The following SLC25A21 variants were observed in gnomAD, a reference collection of about 807,000 sequenced individuals.
SLC25A21 encodes the protein mitochondrial 2-oxodicarboxylate carrier.
SLC25A21 carries 47 observed loss-of-function variants against 43.8 expected under a neutral mutation model. The observed-to-expected ratio is 1.07, with a 90% CI of 0.85 to 1.37. The LOEUF (loss-of-function observed/expected upper bound fraction) is 1.37. Ranked by LOEUF, SLC25A21 falls within the 40% of genes most tolerant of loss-of-function variation. The pLI, the probability that SLC25A21 is intolerant of heterozygous loss-of-function variation, is 0.00. For missense variants in SLC25A21, 352 were observed against 350.2 expected, an observed-to-expected ratio of 1.00 and a Z score of -0.04; for synonymous variants, 131 against 121.3, an observed-to-expected ratio of 1.08 and a Z score of -0.52.
rs186474881 is a variant in SLC25A21, at chr14:37,001,579, C to G, written c.71-126575G>C. 3.1e-3 allele frequency among the ~76,000 whole-genome samples: 472 copies of G among 152,096 alleles called. 1 individual carries two copies. The highest frequency in any genetic ancestry group is 0.01 in the African/African-American group (423 of 41,494). ...AGAAATGTATTTTCTTTCACGCAACCTTTCATTTTTTTCTTCCTTCTTTCC... is the reference window on the plus strand; with the variant it reads ...AGAAATGTATTTTCTTTCACGCAACGTTTCATTTTTTTCTTCCTTCTTTCC... On this transcript the variant is annotated intron_variant, in intron 1 of 9. Transcript: ENST00000331299.
intron 1 of SLC25A21, among the ~76,000 whole-genome samples, chr14:36,958,674 C>CA: frequency 9.1e-6 from 1 of 109,522 alleles, no homozygotes; most frequent in Admixed American, 8.8e-5. Flanking sequence ...CACATAAGCA[C>CA]ACGTGCACAC....
At chr14:36,683,908 TC>T (rs1882408453) in intron 8 of SLC25A21, 28 bp from the exon 9 acceptor site, 1 of 1,565,028 alleles carries the variant, frequency 6.4e-7, no homozygotes, top group Non-Finnish European at 8.7e-7. Context: ...AGAGAAACGT[TC>T]TTATTCTGAA....
chr14:36,904,350 T>C (rs892215039), intron 1 of SLC25A21, among the ~76,000 whole-genome samples: 1 of 152,134 alleles, frequency 6.6e-6, no homozygotes, highest in African/African-American at 2.4e-5. Flanking sequence ...GGTAAGAAAA[T>C]TATAAAATAC....
At chr14:37,046,586 T>C (rs1475993373) in intron 1 of SLC25A21, among the ~76,000 whole-genome samples, 2 of 152,374 alleles carry the variant, frequency 1.3e-5, no homozygotes, top group East Asian at 3.9e-4. Flanking sequence ...TTTCTGTTAC[T>C]GATACTTTGC....
intron 1 of SLC25A21, among the ~76,000 whole-genome samples, chr14:37,008,207 A>G (rs950320947): frequency 1.2e-4 from 18 of 152,134 alleles, no homozygotes; most frequent in African/African-American, 4.3e-4. Context: ...ACTGCCTAAA[A>G]CTCATGGTTG....
In SLC25A21 at chr14:36,868,043, C is replaced by T. The variant is rs1489203199; in HGVS notation, c.119+6913G>A. On this transcript the variant is annotated intron_variant, in intron 2 of 9. Transcript: ENST00000331299. ...TTGAAGCTGCCAAGGCTATCTAGTG[C>T]CAAATGAGACAAGCTCCCCCAAAAT... Among the ~76,000 whole-genome samples the T allele has an allele frequency of 2.6e-5, 4 of 151,270 alleles. No homozygotes were observed. In the East Asian group the frequency reaches 7.8e-4, roughly 29 times the overall value.
chr14:36,717,860 T>C (rs1566533405), intron 6 of SLC25A21, among the ~76,000 whole-genome samples: 1 of 152,160 alleles, frequency 6.6e-6, no homozygotes, highest in Non-Finnish European at 1.5e-5. Flanking sequence ...GCCATCAACC[T>C]TATAAAGAGA....
intron 3 of SLC25A21, among the ~76,000 whole-genome samples, chr14:36,762,836 A>G (rs969855984): frequency 6.6e-6 from 1 of 152,236 alleles, no homozygotes; most frequent in African/African-American, 2.4e-5. Flanking sequence ...AGCCCTCAGT[A>G]AATTTTAGTA....
Position 36,725,603 on chromosome 14 carries a change from A to G in SLC25A21, c.405T>C (p.Val135=). Residue 135 remains valine (V), a synonymous_variant, in exon 6 of 10, where the codon GTT becomes GTC. Coordinates refer to ENST00000331299, the MANE Select transcript of SLC25A21 (RefSeq NM_030631.4). ...ATGTGTTCCGATTTGCTTGCAAGCC[A>G]ACTTTTACTACCTCAAAAGGGTTAA... is the stretch of plus-strand genomic sequence containing the variant. The part of the protein sequence containing the change: ...IVVNPFEVVK[V]GLQANRNTFA... 1 of 1,594,172 alleles carries G rather than the reference A, an allele frequency of 6.3e-7. No homozygotes were observed. The highest frequency in any genetic ancestry group is 8.5e-7 in the Non-Finnish European group (1 of 1,170,818).
intron 1 of SLC25A21, among the ~76,000 whole-genome samples, chr14:36,934,070 A>C (rs979229056): frequency 6.6e-6 from 1 of 152,198 alleles, no homozygotes; most frequent in Admixed American, 6.5e-5. Flanking sequence ...AGAAAAAAAT[A>C]TCAAAATTTA....
At chr14:36,821,695 T>A (rs998431600) in intron 2 of SLC25A21, among the ~76,000 whole-genome samples, 6 of 152,074 alleles carry the variant, frequency 3.9e-5, no homozygotes, top group Non-Finnish European at 8.8e-5. Flanking sequence ...CAGACACCTG[T>A]TATCCCAGCT....
chr14:36,925,495 T>C (rs1042188892), intron 1 of SLC25A21, among the ~76,000 whole-genome samples: 2 of 152,222 alleles, frequency 1.3e-5, no homozygotes, highest in African/African-American at 2.4e-5. Context: ...AGACATTTTA[T>C]GATAAAAGAG....
intron 3 of SLC25A21, among the ~76,000 whole-genome samples, chr14:36,783,241 G>C (rs1293501651): frequency 2.0e-5 from 3 of 151,606 alleles, no homozygotes; most frequent in African/African-American, 7.3e-5. Context: ...GAATTTGTGG[G>C]GAGCCAGCTA....
At chr14:36,846,420 C>T (rs933951468) in intron 2 of SLC25A21, among the ~76,000 whole-genome samples, 8 of 151,954 alleles carry the variant, frequency 5.3e-5, no homozygotes, top group South Asian at 4.1e-4. Flanking sequence ...TTGCTCTTGT[C>T]GCCCAGGCTA....
At chr14:36,684,122 A>G (rs1882419651) in intron 8 of SLC25A21, among the ~76,000 whole-genome samples, 1 of 152,178 alleles carries the variant, frequency 6.6e-6, no homozygotes, top group African/African-American at 2.4e-5. Flanking sequence ...TTCATCAGTG[A>G]GATGGTTTTT....
At chr14:36,704,033 G>T (rs1883392583) in intron 7 of SLC25A21, among the ~76,000 whole-genome samples, 1 of 152,060 alleles carries the variant, frequency 6.6e-6, no homozygotes, top group African/African-American at 2.4e-5. Flanking sequence ...TGAATTCCAT[G>T]GTCAGTCAAT....
chr14:37,149,190 C>A (rs527380901), intron 1 of SLC25A21, among the ~76,000 whole-genome samples: 17 of 152,084 alleles, frequency 1.1e-4, no homozygotes, highest in Admixed American at 3.3e-4. Context: ...TCTTTTTCTT[C>A]CCTTCCTTGC....
chr14:37,047,517 C>T (rs941477797), intron 1 of SLC25A21, among the ~76,000 whole-genome samples: 1 of 152,178 alleles, frequency 6.6e-6, no homozygotes, highest in African/African-American at 2.4e-5. Flanking sequence ...TGCCCCTGCT[C>T]CCCAAACCCA....
chr14:36,989,047 G>A (rs1016433438), intron 1 of SLC25A21, among the ~76,000 whole-genome samples: 3 of 152,154 alleles, frequency 2.0e-5, no homozygotes, highest in Non-Finnish European at 2.9e-5. Flanking sequence ...AGACTTTACC[G>A]CTTTCTTTTT....
Sources: gnomAD v4.1 joint callset for allele counts (sites outside exome capture counted in the v4.1 genomes callset) on GRCh38, gnomAD v4.1.1 for gene constraint, MANE v1.5 for transcripts, NCBI Gene and HGNC (gene_info 2026-07-23, HGNC 2026-07-21) for gene names.